SAP30BP: variants seen among roughly 807,000 people sequenced by gnomAD.
The protein encoded by SAP30BP is SAP30 binding protein.
SAP30BP carries 31 observed loss-of-function variants against 46.3 expected under a neutral mutation model. That is an observed-to-expected ratio of 0.67 (90% CI 0.50 to 0.90). SAP30BP has a LOEUF of 0.90. SAP30BP is among the 40% of genes least tolerant of loss of function. The pLI, the probability that SAP30BP is intolerant of heterozygous loss-of-function variation, is 0.00. For missense variants in SAP30BP, 312 were observed against 391.0 expected, an observed-to-expected ratio of 0.80 and a Z score of 1.70; for synonymous variants, 169 against 144.2, an observed-to-expected ratio of 1.17 and a Z score of -1.23.
Position 75,703,856 on chromosome 17 carries a change from T to C in SAP30BP, c.598T>C (p.Leu200=). The C allele has an allele frequency of 1.9e-6, 3 of 1,611,518 alleles. No individual in the cohort carries two copies. The highest frequency in any genetic ancestry group is 2.5e-6 in the Non-Finnish European group (3 of 1,177,568). ...GTCTGAGGACTCCTACTATGAGGCA[T>C]TAGGTAGCCTTTCGTCCCTCCTCCC... is the stretch of plus-strand genomic sequence containing the variant. ...GWSEDSYYEA[L]AKAQKIEMDK... is the part of the protein sequence containing the mutation. Residue 200 remains leucine, a synonymous_variant, in exon 8 of 11, where the codon TTA becomes CTA. Coordinates refer to ENST00000584667, the MANE Select transcript of SAP30BP (RefSeq NM_013260.8).
At chr17:75,698,112 T>C (rs530050502) in intron 4 of SAP30BP, among the ~76,000 whole-genome samples, 20 of 152,208 alleles carry the variant, frequency 1.3e-4, no homozygotes, top group Admixed American at 2.6e-4. Context: ...AAATAGCGCA[T>C]TGTCCCAGCG....
At chr17:75,698,395 G>A (rs2060354796) in intron 4 of SAP30BP, among the ~76,000 whole-genome samples, 1 of 152,252 alleles carries the variant, frequency 6.6e-6, no homozygotes, top group South Asian at 2.1e-4. Context: ...AAAACTTAGG[G>A]AACCCTGAAT....
intron 3 of SAP30BP, among the ~76,000 whole-genome samples, chr17:75,675,691 G>C (rs1342367135): frequency 6.6e-6 from 1 of 152,156 alleles, no homozygotes; most frequent in East Asian, 1.9e-4. Context: ...GAGGTGGGCA[G>C]ATTGGTTGAG....
intron 6 of SAP30BP, 197 bp downstream of exon 6, chr17:75,702,768 C>G (rs2060433152): frequency 2.3e-6 from 1 of 426,448 alleles, no homozygotes; most frequent in African/African-American, 2.0e-5. Context: ...CCAGAAAAAA[C>G]ACAAAGCAAT....
chr17:75,687,419 C>T (rs950437093), intron 3 of SAP30BP, among the ~76,000 whole-genome samples: 1 of 151,952 alleles, frequency 6.6e-6, no homozygotes, highest in African/African-American at 2.4e-5. Flanking sequence ...AGTTCAAGAG[C>T]AGCCTGGGCA....
intron 3 of SAP30BP, among the ~76,000 whole-genome samples, chr17:75,686,254 A>T (rs1218305038): frequency 6.6e-6 from 1 of 152,188 alleles, no homozygotes; most frequent in African/African-American, 2.4e-5. Context: ...GCAGTGGCTC[A>T]CGCCTGTAAT....
chr17:75,682,155 A>G (rs1039485549), intron 3 of SAP30BP, among the ~76,000 whole-genome samples: 1 of 151,878 alleles, frequency 6.6e-6, no homozygotes, highest in Non-Finnish European at 1.5e-5. Flanking sequence ...AGGAAAAAAA[A>G]TCACCTAATC....
At position 75,699,844 on chromosome 17, in the gene SAP30BP, C is replaced by T. The variant is rs113668113; in HGVS notation, c.369C>T (p.Pro123=). The change falls in exon 5 of 11, where the codon CCC becomes CCT. Residue 123 remains proline (P), a synonymous_variant. Transcript: ENST00000584667. ...SPDEIKIPPE[P]PGRCSNHLQD... is the part of the protein sequence containing the mutation. Reference sequence around the variant, plus strand: ...ATGAAATCAAGATCCCGCCAGAACCCCCTGGCAGATGTTCAAATCACTTGC... The same window carrying T: ...ATGAAATCAAGATCCCGCCAGAACCTCCTGGCAGATGTTCAAATCACTTGC... 1 of 1,613,070 alleles carries T rather than the reference C, an allele frequency of 6.2e-7. No individual in the cohort carries two copies. The highest frequency in any genetic ancestry group is 8.5e-7 in the Non-Finnish European group (1 of 1,179,146).
At chr17:75,674,069 A>C (rs1450095401) in intron 3 of SAP30BP, among the ~76,000 whole-genome samples, 1 of 152,150 alleles carries the variant, frequency 6.6e-6, no homozygotes, top group African/African-American at 2.4e-5. Flanking sequence ...AAAGCTTGCC[A>C]GCTTCAATGT....
intron 3 of SAP30BP, among the ~76,000 whole-genome samples, chr17:75,678,463 A>ACAC: frequency 6.8e-6 from 1 of 147,648 alleles, no homozygotes; most frequent in South Asian, 2.2e-4. Context: ...CACAATTTAA[A>ACAC]ACACACACAC....
At chr17:75,685,099 C>G (rs2060136944) in intron 3 of SAP30BP, among the ~76,000 whole-genome samples, 1 of 152,152 alleles carries the variant, frequency 6.6e-6, no homozygotes, top group Non-Finnish European at 1.5e-5. Context: ...CCTGTGGTTC[C>G]ACAGCCCACA....
intron 3 of SAP30BP, chr17:75,684,755 G>C (rs979683400): frequency 6.6e-6 from 1 of 152,170 alleles, no homozygotes; most frequent in African/African-American, 2.4e-5. Context: ...GGGGGTTCTA[G>C]GGGCCTGCTG....
Position 75,689,439 on chromosome 17 carries a change from G to A in SAP30BP, c.265-4001G>A, listed in dbSNP as rs73995969. Among the ~76,000 whole-genome samples the A allele has an allele frequency of 9.2e-3, 1,394 of 152,212 alleles. 20 individuals are homozygous for A. The highest frequency in any genetic ancestry group is 0.031 in the African/African-American group (1,303 of 41,520). The stretch of plus-strand genomic sequence containing the variant: ...AATTGAATGAGGGGGCTGAAGAGGT[G>A]GGCCTAGTCTTTTCTCCCAGGAGCA... On this transcript the variant is annotated intron_variant, in intron 3 of 10. Coordinates refer to ENST00000584667, the MANE Select transcript of SAP30BP (RefSeq NM_013260.8).
Position 75,683,054 on chromosome 17 carries a change from A to ATTT in SAP30BP, c.265-10380_265-10378dup, listed in dbSNP as rs561138483. Among the ~76,000 whole-genome samples the ATTT allele has an allele frequency of 7.1e-5, 10 of 140,636 alleles. No individual in the cohort carries two copies. In the East Asian group the frequency reaches 8.3e-4, roughly 12 times the overall value. 92.3% of individuals were successfully genotyped at this position (140,636 alleles called of 152,430 possible). A position where few individuals can be genotyped will look rare whatever the true frequency, so the allele number is the denominator to read the frequency against. On this transcript the variant is annotated intron_variant, in intron 3 of 10. Coordinates refer to ENST00000584667, the MANE Select transcript of SAP30BP (RefSeq NM_013260.8). ...ATTTATTTTATTTATTTATTTATTT[A>ATTT]TTTTTTTTGAGACAGAGTCTCACTC...
At chr17:75,704,727 C>T in intron 8 of SAP30BP, 29 bp from the exon 9 acceptor site, 1 of 1,600,504 alleles carries the variant, frequency 6.2e-7, no homozygotes, top group Middle Eastern at 1.7e-4. Flanking sequence ...CGGGGGCCAC[C>T]TTTGTAACAG....
At chr17:75,669,176 C>T (rs1787841839) in intron 2 of SAP30BP, among the ~76,000 whole-genome samples, 2 of 151,976 alleles carry the variant, frequency 1.3e-5, no homozygotes, top group South Asian at 4.2e-4. Flanking sequence ...CTCCTGGGCG[C>T]AAGTGATCCT....
chr17:75,672,309 G>C (rs1015740509), intron 3 of SAP30BP, among the ~76,000 whole-genome samples: 8 of 152,206 alleles, frequency 5.3e-5, no homozygotes, highest in African/African-American at 1.9e-4. Context: ...CCTCTCCCCA[G>C]CTCTCAGGGA....
At chr17:75,694,989 CCCA>C (rs1246569872) in intron 4 of SAP30BP, among the ~76,000 whole-genome samples, 7 of 152,124 alleles carry the variant, frequency 4.6e-5, no homozygotes, top group Admixed American at 1.3e-4. Context: ...TTGTGTTAGC[CCCA>C]CCACAATTGT....
Position 75,668,592 on chromosome 17 carries a change from T to C in SAP30BP, c.183T>C (p.Tyr61=), listed in dbSNP as rs759981164. ...FSRLGGDEDG[Y]EEEEDENSRQ... ...GTCTAGGGGGTGATGAAGATGGTTA[T>C]GAAGAAGAAGAAGATGAGAACAGTA... The change falls in exon 2 of 11, where the codon TAT becomes TAC. Residue 61 remains tyrosine (Y), a synonymous_variant. Coordinates refer to ENST00000584667, the MANE Select transcript of SAP30BP (RefSeq NM_013260.8). 1 of 1,607,290 alleles carries C rather than the reference T, an allele frequency of 6.2e-7. No individual in the cohort carries two copies. The highest frequency in any genetic ancestry group is 8.5e-7 in the Non-Finnish European group (1 of 1,177,060).
Sources: allele counts gnomAD v4.1 joint callset (sites outside exome capture counted in the v4.1 genomes callset), GRCh38; gene constraint gnomAD v4.1.1; transcripts MANE v1.5; gene names NCBI Gene and HGNC (gene_info 2026-07-23, HGNC 2026-07-21).